Variants in ATP1B3 observed in about 807,000 individuals in gnomAD.
The protein encoded by ATP1B3 is sodium/potassium-transporting ATPase subunit beta-3.
A neutral mutation model predicts 30.2 loss-of-function variants in ATP1B3; 10 were observed. The observed-to-expected ratio is 0.33, with a 90% CI of 0.20 to 0.56. The LOEUF (loss-of-function observed/expected upper bound fraction) is 0.56. Among genes scored for constraint, ATP1B3 ranks in the 20% least tolerant of loss-of-function variants. The probability of loss-of-function intolerance (pLI) is 0.90; values close to 1 mark genes in which losing one functional copy is unlikely to be tolerated. For synonymous variants in ATP1B3, 113 were observed against 117.0 expected (o/e 0.97, Z 0.22); for missense variants, 238 against 336.7 (o/e 0.71, Z 2.29).
At position 141,925,554 on chromosome 3, in the gene ATP1B3, T is replaced by C. The variant is rs768746792; in HGVS notation, c.693T>C (p.Val231=). 1.2e-6 allele frequency: 2 copies of C among 1,611,192 alleles called. No individual in the cohort carries two copies. Among genetic ancestry groups the C allele is most frequent in the Non-Finnish European group, 1.7e-6 (2 of 1,179,146 alleles). The part of the protein sequence containing the change: ...KLHVGYLQPL[V]AVQVSFAPNN... ...AGGTTGGGTATCTACAGCCATTGGT[T>C]GCTGTTCAGGTCAGCTTTGCTCCTA... Residue 231 remains valine, a synonymous_variant, in exon 7 of 7, where the codon GTT becomes GTC. Transcript: ENST00000286371.
intron 1 of ATP1B3, among the ~76,000 whole-genome samples, chr3:141,879,777 T>TCAAAAAAAAAAAAC (rs780164779): frequency 1.5e-4 from 9 of 58,824 alleles, no homozygotes; most frequent in Middle Eastern, 8.3e-3. Context: ...AGTCTCCATC[T>TCAAAAAAAAAAAAC]CAAAAAAAAA....
Position 141,915,957 on chromosome 3 carries a change from T to C in ATP1B3, c.532-13T>C. The C allele has an allele frequency of 6.3e-7, 1 of 1,595,754 alleles. No homozygotes were observed. Among genetic ancestry groups the C allele is most frequent in the Non-Finnish European group, 8.5e-7 (1 of 1,169,684 alleles). On this transcript the variant is annotated splice_polypyrimidine_tract_variant and intron_variant, in intron 4 of 6. Transcript: ENST00000286371. ...ACGTGAAGTTTAAATTTATCACTAT[T>C]TCTTAACCTTAGATAATTGGATTAA...
chr3:141,902,578 G>T (rs1197107171), intron 1 of ATP1B3, among the ~76,000 whole-genome samples: 1 of 152,202 alleles, frequency 6.6e-6, no homozygotes, highest in South Asian at 2.1e-4. Flanking sequence ...ATAGACATTT[G>T]AGAAAAATAA....
chr3:141,914,767 A>G (rs914231873), intron 4 of ATP1B3, among the ~76,000 whole-genome samples: 1 of 152,238 alleles, frequency 6.6e-6, no homozygotes, highest in Non-Finnish European at 1.5e-5. Context: ...GCACTGCTAA[A>G]TAAGAAGCTT....
chr3:141,917,344 A>G (rs1226868305), intron 5 of ATP1B3, among the ~76,000 whole-genome samples: 1 of 152,120 alleles, frequency 6.6e-6, no homozygotes, highest in East Asian at 1.9e-4. Flanking sequence ...GTGTGTGACC[A>G]CTGGCAATTC....
intron 5 of ATP1B3, chr3:141,916,302 A>G (rs1262862920): frequency 4.1e-6 from 2 of 487,568 alleles, no homozygotes; most frequent in African/African-American, 3.9e-5. Context: ...GCTCAGTAAC[A>G]CTGAAATTGG....
chr3:141,904,093 G>A (rs1454592138), intron 2 of ATP1B3, among the ~76,000 whole-genome samples: 2 of 152,094 alleles, frequency 1.3e-5, no homozygotes, highest in East Asian at 1.9e-4. Context: ...CAGTGGTTAC[G>A]GCTTTTAACA....
intron 2 of ATP1B3, among the ~76,000 whole-genome samples, chr3:141,906,158 A>G (rs1934262286): frequency 6.6e-6 from 1 of 151,936 alleles, no homozygotes; most frequent in Non-Finnish European, 1.5e-5. Flanking sequence ...CCTATGTGCA[A>G]GGTTGAATTA....
chr3:141,889,728 CAAAAA>C lies in ATP1B3; in HGVS notation c.109+12837_109+12841del, dbSNP rs1168549266. On this transcript the variant is annotated intron_variant, in intron 1 of 6. Transcript: ENST00000286371. Reference sequence around the variant, plus strand: ...GGGCAAAAAGAGCGAGACTCCGTCTCAAAAAAAAAAAAAAAAAAAAAAATATATAC... The same window carrying C: ...GGGCAAAAAGAGCGAGACTCCGTCTCAAAAAAAAAAAAAAAAAATATATAC... 4.1e-3 allele frequency among the ~76,000 whole-genome samples: 197 copies of C among 48,390 alleles called. 8 individuals carry two copies. Among genetic ancestry groups the C allele is most frequent in the African/African-American group, 7.3e-3 (89 of 12,142 alleles). The allele number at this position is 48,390 out of a possible 152,430, so 31.7% of individuals were successfully genotyped here.
rs78736894 is a variant in ATP1B3, at chr3:141,897,311, T to G, written c.110-6309T>G. 3.6e-3 allele frequency among the ~76,000 whole-genome samples: 555 copies of G among 152,178 alleles called. 11 individuals carry two copies. Among genetic ancestry groups the G allele is most frequent in the East Asian group, 0.035 (180 of 5,192 alleles). On this transcript the variant is annotated intron_variant, in intron 1 of 6. Transcript: ENST00000286371. ...TTCCTGCTAGAGAGGATTCTTTTTGTTTTTTTTCCTAGCATCCAGTATCTA... is the reference window on the plus strand; with the variant it reads ...TTCCTGCTAGAGAGGATTCTTTTTGGTTTTTTTCCTAGCATCCAGTATCTA...
At position 141,925,806 on chromosome 3, in the gene ATP1B3, G is replaced by C. The variant is rs1934648896; in HGVS notation, c.*105G>C. The C allele has an allele frequency of 7.2e-7, 1 of 1,383,254 alleles. No homozygotes were observed. Among genetic ancestry groups the C allele is most frequent in the Admixed American group, 2.0e-5 (1 of 49,650 alleles). The allele number at this position is 1,383,254 out of a possible 1,614,324, so 85.7% of individuals were successfully genotyped here. On this transcript the variant is annotated 3_prime_UTR_variant, in exon 7 of 7. Coordinates refer to ENST00000286371, the MANE Select transcript of ATP1B3 (RefSeq NM_001679.4). Reference sequence around the variant, plus strand: ...TTATGAGACCACCTTGGAGAAAGGTGTGTGGTACATGACATTGGGTTACAT... The same window carrying C: ...TTATGAGACCACCTTGGAGAAAGGTCTGTGGTACATGACATTGGGTTACAT...
chr3:141,886,254 A>G (rs1439136273), intron 1 of ATP1B3, among the ~76,000 whole-genome samples: 1 of 152,072 alleles, frequency 6.6e-6, no homozygotes, highest in Non-Finnish European at 1.5e-5. Context: ...TTGTAGCTAC[A>G]CGGATGTATC....
chr3:141,877,177 G>A (rs1436145912), intron 1 of ATP1B3, among the ~76,000 whole-genome samples: 1 of 150,934 alleles, frequency 6.6e-6, no homozygotes, highest in Non-Finnish European at 1.5e-5. Context: ...TGGGAGCGGG[G>A]CGCACGTGCT....
intron 1 of ATP1B3, among the ~76,000 whole-genome samples, chr3:141,891,038 A>T (rs1355460297): frequency 1.3e-5 from 2 of 152,176 alleles, no homozygotes; most frequent in African/African-American, 4.8e-5. Context: ...GAACATTATC[A>T]CAGATTTAAC....
At chr3:141,890,275 T>G (rs1255212345) in intron 1 of ATP1B3, among the ~76,000 whole-genome samples, 2 of 143,822 alleles carry the variant, frequency 1.4e-5, no homozygotes, top group African/African-American at 5.1e-5. Flanking sequence ...TTGTTTGTTT[T>G]TTTGTGGGGC....
chr3:141,917,791 G>A (rs556030597), intron 5 of ATP1B3, among the ~76,000 whole-genome samples: 6 of 148,490 alleles, frequency 4.0e-5, no homozygotes, highest in Admixed American at 6.7e-5. Flanking sequence ...TTTTGGAGAC[G>A]GAGTCTCACT....
chr3:141,902,326 C>T lies in ATP1B3; in HGVS notation c.110-1294C>T, dbSNP rs1020935622. 2.7e-5 allele frequency: 23 copies of T among 859,500 alleles called. No homozygotes were observed. In the Admixed American group the frequency reaches 3.8e-4, roughly 14 times the overall value. 53.2% of individuals were successfully genotyped at this position (859,500 alleles called of 1,614,324 possible). On this transcript the variant is annotated intron_variant, in intron 1 of 6. Coordinates refer to ENST00000286371, the MANE Select transcript of ATP1B3 (RefSeq NM_001679.4). ...TGAAAAAGGGGGTTGGGGGTGATTC[C>T]TGCCTTGCAGTTGAGAAATAAAAGT...
intron 3 of ATP1B3, among the ~76,000 whole-genome samples, chr3:141,909,227 G>A (rs1294702941): frequency 1.3e-5 from 2 of 152,152 alleles, no homozygotes; most frequent in African/African-American, 2.4e-5. Flanking sequence ...TGGTTTAATA[G>A]CTTTAAAAGG....
chr3:141,919,283 T>TC lies in ATP1B3; in HGVS notation c.583-2694_583-2693insC, dbSNP rs975708296. ...ACATACCCTTGGAGGTGCTTTTTTT[T>TC]TTTCTCTCTCTCTCCATAGAGACAG... On this transcript the variant is annotated intron_variant, in intron 5 of 6. Coordinates refer to ENST00000286371, the MANE Select transcript of ATP1B3 (RefSeq NM_001679.4). 2.1e-5 allele frequency among the ~76,000 whole-genome samples: 3 copies of TC among 144,236 alleles called. No individual in the cohort carries two copies. The Admixed American group carries it at 2.1e-4, about 10-fold the overall frequency. The allele number at this position is 144,236 out of a possible 152,430, so 94.6% of individuals were successfully genotyped here. A position where few individuals can be genotyped will look rare whatever the true frequency, so the allele number is the denominator to read the frequency against.
Sources: allele counts gnomAD v4.1 joint callset (sites outside exome capture counted in the v4.1 genomes callset), GRCh38; gene constraint gnomAD v4.1.1; transcripts MANE v1.5; gene names NCBI Gene and HGNC (gene_info 2026-07-23, HGNC 2026-07-21).